Variants in DCC observed in about 807,000 individuals in gnomAD.
DCC encodes DCC netrin 1 receptor.
Under a neutral mutation model 172.5 loss-of-function variants are expected in DCC, and 58 were observed. The observed-to-expected ratio is 0.34, with a 90% CI of 0.27 to 0.42. DCC has a LOEUF of 0.42. Among genes scored for constraint, DCC ranks in the 10% least tolerant of loss-of-function variants. The probability of loss-of-function intolerance (pLI) is 1.00; values close to 1 mark genes in which losing one functional copy is unlikely to be tolerated. For synonymous variants in DCC, 709 were observed against 644.5 expected, an observed-to-expected ratio of 1.10 and a Z score of -1.52; for missense variants, 1,740 against 1,791.0, an observed-to-expected ratio of 0.97 and a Z score of 0.51.
intron 5 of DCC, among the ~76,000 whole-genome samples, chr18:53,054,713 A>T (rs1450569300): frequency 1.3e-5 from 2 of 152,084 alleles, no homozygotes; most frequent in Non-Finnish European, 2.9e-5. Context: ...TTGTGTGGAG[A>T]GATCTAGAAT....
chr18:53,261,156 G>A (rs2056593847), intron 12 of DCC, among the ~76,000 whole-genome samples: 1 of 152,154 alleles, frequency 6.6e-6, no homozygotes, highest in Non-Finnish European at 1.5e-5. Flanking sequence ...CTTCCCGGGT[G>A]AGGTGATGCC....
At position 53,334,625 on chromosome 18, in the gene DCC, C is replaced by T. The variant is rs80083140; in HGVS notation, c.2165-5088C>T. 3.9e-5 allele frequency among the ~76,000 whole-genome samples: 6 copies of T among 152,172 alleles called. 1 individual carries two copies. Among genetic ancestry groups the T allele is most frequent in the Admixed American group, 2.0e-4 (3 of 15,272 alleles). ...CCTCTGGCAACCACCATTCTCTTTTCTGTCTCCATGAATTTAACTTCCCTG... is the reference window on the plus strand; with the variant it reads ...CCTCTGGCAACCACCATTCTCTTTTTTGTCTCCATGAATTTAACTTCCCTG... On this transcript the variant is annotated intron_variant, in intron 14 of 28. Transcript: ENST00000442544.
At chr18:52,806,170 T>C (rs1049222315) in intron 2 of DCC, among the ~76,000 whole-genome samples, 1 of 152,210 alleles carries the variant, frequency 6.6e-6, no homozygotes, top group Non-Finnish European at 1.5e-5. Context: ...TTAATAGATA[T>C]TATTTCTTAG....
At chr18:52,705,420 A>C (rs1264923891) in intron 1 of DCC, among the ~76,000 whole-genome samples, 1 of 152,194 alleles carries the variant, frequency 6.6e-6, no homozygotes. Flanking sequence ...AACATGCGTA[A>C]AAGGAAATGT....
rs148828137 is a variant in DCC at position 53,002,277 on chromosome 18, A to C, written c.986-61028A>C. ...AATGATGCTGTCTTCTCTGGGAGGGAAAAAGTAATCCTCATCATCACGAAA... is the reference window on the plus strand; with the variant it reads ...AATGATGCTGTCTTCTCTGGGAGGGCAAAAGTAATCCTCATCATCACGAAA... On this transcript the variant is annotated intron_variant, in intron 5 of 28. Coordinates refer to ENST00000442544, the MANE Select transcript of DCC (RefSeq NM_005215.4). Among the ~76,000 whole-genome samples the C allele has an allele frequency of 4.6e-5, 7 of 152,258 alleles. No individual in the cohort carries two copies. In the East Asian group the frequency reaches 7.7e-4, roughly 17 times the overall value.
intron 1 of DCC, among the ~76,000 whole-genome samples, chr18:52,709,791 G>C (rs553271523): frequency 3.3e-5 from 5 of 152,270 alleles, no homozygotes; most frequent in Admixed American, 1.3e-4. Context: ...GAAATTATAT[G>C]AATTTGACTA....
At chr18:53,100,616 G>A (rs2043158511) in intron 7 of DCC, among the ~76,000 whole-genome samples, 1 of 151,786 alleles carries the variant, frequency 6.6e-6, no homozygotes, top group Non-Finnish European at 1.5e-5. Context: ...GACAAAGGAA[G>A]GGAGGTGGGG....
intron 2 of DCC, among the ~76,000 whole-genome samples, chr18:52,863,064 C>T (rs749380109): frequency 2.6e-5 from 4 of 151,982 alleles, no homozygotes; most frequent in Non-Finnish European, 5.9e-5. Flanking sequence ...TACAATTTTT[C>T]CTATTTTCTT....
intron 5 of DCC, among the ~76,000 whole-genome samples, chr18:53,007,522 C>A (rs946560952): frequency 6.6e-6 from 1 of 151,822 alleles, no homozygotes; most frequent in Non-Finnish European, 1.5e-5. Flanking sequence ...TCACAGTGAA[C>A]AATTAAATTT....
chr18:53,528,727 C>A (rs2046486828), intron 28 of DCC, among the ~76,000 whole-genome samples: 1 of 151,760 alleles, frequency 6.6e-6, no homozygotes, highest in African/African-American at 2.4e-5. Flanking sequence ...TTTATCTAAC[C>A]CAATATTTCC....
intron 7 of DCC, among the ~76,000 whole-genome samples, chr18:53,141,654 C>T (rs1235264086): frequency 2.0e-5 from 3 of 152,304 alleles, no homozygotes; most frequent in East Asian, 3.9e-4. Context: ...TTCAATGACA[C>T]ATTCCTTTCA....
chr18:53,307,677 C>T (rs761926716), intron 13 of DCC, among the ~76,000 whole-genome samples: 61 of 151,200 alleles, frequency 4.0e-4, no homozygotes, highest in Middle Eastern at 6.8e-3. Context: ...CAGAACTATA[C>T]GCAGCCAATA....
chr18:52,575,832 A>G (rs2033395808), intron 1 of DCC, among the ~76,000 whole-genome samples: 1 of 152,184 alleles, frequency 6.6e-6, no homozygotes, highest in South Asian at 2.1e-4. Flanking sequence ...TTGAGTCAAT[A>G]CACTCTTTGC....
chr18:53,016,406 GAAAT>G (rs2041808228), intron 5 of DCC, among the ~76,000 whole-genome samples: 1 of 152,044 alleles, frequency 6.6e-6, no homozygotes, highest in African/African-American at 2.4e-5. Flanking sequence ...GCATTTAGCT[GAAAT>G]AAACAATGCA....
At chr18:53,016,044 A>G (rs2041803991) in intron 5 of DCC, among the ~76,000 whole-genome samples, 1 of 152,146 alleles carries the variant, frequency 6.6e-6, no homozygotes, top group Admixed American at 6.6e-5. Flanking sequence ...ATGAAAGTAA[A>G]TGAACAGAGC....
intron 22 of DCC, among the ~76,000 whole-genome samples, chr18:53,444,511 GAA>G (rs2145136402): frequency 6.6e-6 from 1 of 152,114 alleles, no homozygotes; most frequent in East Asian, 1.9e-4. Flanking sequence ...GAAAAGAAAA[GAA>G]AAAAGAGAGA....
At chr18:52,884,958 C>A (rs759363643) in intron 2 of DCC, among the ~76,000 whole-genome samples, 1 of 152,124 alleles carries the variant, frequency 6.6e-6, no homozygotes, top group Non-Finnish European at 1.5e-5. Flanking sequence ...AAAAACTTCT[C>A]TGGGTTACCA....
At chr18:52,493,167 A>C (rs1445820358) in intron 1 of DCC, among the ~76,000 whole-genome samples, 1 of 152,060 alleles carries the variant, frequency 6.6e-6, no homozygotes, top group African/African-American at 2.4e-5. Context: ...GTTTGGAGAA[A>C]AGGATGTGTA....
At chr18:53,342,114 T>A (rs1184058386) in intron 15 of DCC, among the ~76,000 whole-genome samples, 1 of 152,074 alleles carries the variant, frequency 6.6e-6, no homozygotes, top group Non-Finnish European at 1.5e-5. Flanking sequence ...TGTTTTATAA[T>A]TGACTAATAA....
Sources: gnomAD v4.1 joint callset for allele counts (sites outside exome capture counted in the v4.1 genomes callset) on GRCh38, gnomAD v4.1.1 for gene constraint, MANE v1.5 for transcripts, NCBI Gene and HGNC (gene_info 2026-07-23, HGNC 2026-07-21) for gene names.